The following PCDHA6 variants were observed in gnomAD, a reference collection of about 807,000 sequenced individuals.
PCDHA6 encodes the protein protocadherin alpha-6.
A neutral mutation model predicts 60.3 loss-of-function variants in PCDHA6; 55 were observed. That is an observed-to-expected ratio of 0.91 (90% confidence interval 0.73 to 1.14). The LOEUF is 1.14. PCDHA6 is among the 50% of genes most tolerant of loss of function. PCDHA6 has a pLI of 0.00. For synonymous variants in PCDHA6, 652 were observed against 557.9 expected (o/e 1.17, Z -2.38); for missense variants, 1,327 against 1,256.5 (o/e 1.06, Z -0.85).
At chr5:140,927,095 TG>T in intron 1 of PCDHA6, 1 of 1,612,210 alleles carries the variant, frequency 6.2e-7, no homozygotes, top group Non-Finnish European at 8.5e-7. Flanking sequence ...TACTTCGGGG[TG>T]GATCTACCCA....
intron 1 of PCDHA6, among the ~76,000 whole-genome samples, chr5:140,838,259 G>T (rs975965491): frequency 6.8e-6 from 1 of 146,930 alleles, no homozygotes; most frequent in Admixed American, 6.9e-5. Flanking sequence ...GATTAAAGAC[G>T]CCAACAACCA....
At chr5:140,928,712 G>T in intron 1 of PCDHA6, 2 of 1,614,168 alleles carry the variant, frequency 1.2e-6, no homozygotes, top group Non-Finnish European at 1.7e-6. Flanking sequence ...TCTGACTCTA[G>T]TCTCTTTAGA....
chr5:140,841,346 C>T, intron 1 of PCDHA6: 1 of 1,612,554 alleles, frequency 6.2e-7, no homozygotes, highest in Non-Finnish European at 8.5e-7. Context: ...GCGAGGAGAG[C>T]TGGGATCCTG....
intron 1 of PCDHA6, chr5:140,849,567 C>G: frequency 1.3e-6 from 2 of 1,598,580 alleles, no homozygotes; most frequent in Non-Finnish European, 1.7e-6. Flanking sequence ...GCTCTCGGTT[C>G]CTGTAAAAGA....
intron 3 of PCDHA6, among the ~76,000 whole-genome samples, chr5:141,005,089 A>G (rs1554259886): frequency 6.6e-6 from 1 of 152,244 alleles, no homozygotes; most frequent in East Asian, 1.9e-4. Context: ...TTAGTACTTT[A>G]CATGCATTAC....
chr5:140,836,642 G>T, intron 1 of PCDHA6: 1 of 1,613,486 alleles, frequency 6.2e-7, no homozygotes, highest in Non-Finnish European at 8.5e-7. Context: ...TCTCCCAGCA[G>T]AGGCGGCAGA....
At chr5:140,877,970 T>A in intron 1 of PCDHA6, 1 of 1,279,190 alleles carries the variant, frequency 7.8e-7, no homozygotes. Flanking sequence ...TTCTTGGTCA[T>A]TCTTACTCAT....
chr5:140,878,899 G>A (rs1301967468), intron 1 of PCDHA6, among the ~76,000 whole-genome samples: 2 of 152,152 alleles, frequency 1.3e-5, no homozygotes, highest in African/African-American at 4.8e-5. Flanking sequence ...CTACAGGCAG[G>A]CTCCACCACT....
At chr5:140,831,492 T>TGGG (rs1554133281) in intron 1 of PCDHA6, among the ~76,000 whole-genome samples, 1 of 147,590 alleles carries the variant, frequency 6.8e-6, no homozygotes, top group East Asian at 2.0e-4. Flanking sequence ...CTGGAGTTAC[T>TGGG]ACACACGAGC....
At chr5:140,967,809 A>G in intron 1 of PCDHA6, 1 of 1,614,190 alleles carries the variant, frequency 6.2e-7, no homozygotes. Flanking sequence ...ATGGCAGGTC[A>G]CTGCAAGGTG....
At chr5:140,835,991 C>A (rs2150249713) in intron 1 of PCDHA6, 70 of 1,613,150 alleles carry the variant, frequency 4.3e-5, no homozygotes, top group Middle Eastern at 1.7e-4. Context: ...TCCAGGTGAG[C>A]GCGCGCGATG....
intron 1 of PCDHA6, chr5:140,883,975 G>A (rs1167945773): frequency 1.2e-6 from 2 of 1,612,842 alleles, no homozygotes; most frequent in African/African-American, 2.7e-5. Flanking sequence ...TGACGCCCGG[G>A]GCTGGCAGCG....
intron 1 of PCDHA6, chr5:140,883,600 G>A (rs2059695358): frequency 6.2e-7 from 1 of 1,613,890 alleles, no homozygotes; most frequent in Non-Finnish European, 8.5e-7. Flanking sequence ...TGTCGGTGGG[G>A]GTGGCCGACG....
intron 3 of PCDHA6, among the ~76,000 whole-genome samples, chr5:141,000,680 T>C (rs953789526): frequency 1.3e-5 from 2 of 151,376 alleles, no homozygotes; most frequent in African/African-American, 2.4e-5. Flanking sequence ...CACCTGCCTC[T>C]GCCTCCCAAA....
intron 1 of PCDHA6, chr5:140,869,565 A>G: frequency 6.2e-7 from 1 of 1,614,190 alleles, no homozygotes; most frequent in Non-Finnish European, 8.5e-7. Flanking sequence ...GTTTTCCACT[A>G]GAGGGAGCTT....
At chr5:140,991,808 G>A (rs367660702) in intron 3 of PCDHA6, among the ~76,000 whole-genome samples, 4 of 152,074 alleles carry the variant, frequency 2.6e-5, no homozygotes, top group East Asian at 1.9e-4. Flanking sequence ...GGCCACTTCC[G>A]CATTTTTAGG....
chr5:140,857,740 G>A (rs1019130313), intron 1 of PCDHA6: 1 of 1,597,496 alleles, frequency 6.3e-7, no homozygotes, highest in African/African-American at 1.3e-5. Flanking sequence ...CTCCCGCGCT[G>A]CTGGCGTCTC....
chr5:140,906,296 A>G (rs1378311950), intron 1 of PCDHA6, among the ~76,000 whole-genome samples: 9 of 152,226 alleles, frequency 5.9e-5, no homozygotes, highest in Non-Finnish European at 1.5e-5. Flanking sequence ...GACAATAATA[A>G]GGTCATAATT....
chr5:140,852,149 G>T (rs940913819), intron 1 of PCDHA6: 1 of 867,026 alleles, frequency 1.2e-6, no homozygotes. Flanking sequence ...AGATCAGAAT[G>T]GCCTTGAGAA....
Sources: gnomAD v4.1 joint callset for allele counts (sites outside exome capture counted in the v4.1 genomes callset) on GRCh38, gnomAD v4.1.1 for gene constraint, MANE v1.5 for transcripts, NCBI Gene and HGNC (gene_info 2026-07-23, HGNC 2026-07-21) for gene names.